Variants in SARDH observed in about 807,000 individuals in gnomAD.
SARDH encodes sarcosine dehydrogenase, also known as sarcosine dehydrogenase, mitochondrial.
SARDH carries 95 observed loss-of-function variants against 109.1 expected under a neutral mutation model. The observed-to-expected ratio is 0.87, with a 90% CI of 0.74 to 1.03. The LOEUF is 1.03. Among genes scored for constraint, SARDH ranks in the 50% least tolerant of loss-of-function variants. The probability of loss-of-function intolerance (pLI) is 0.00; values close to 1 mark genes in which losing one functional copy is unlikely to be tolerated. For synonymous variants in SARDH, 572 were observed against 534.8 expected (o/e 1.07, Z -0.96); for missense variants, 1,267 against 1,287.8 (o/e 0.98, Z 0.25).
chr9:133,723,999 A>T (rs375130307), intron 6 of SARDH, among the ~76,000 whole-genome samples: 10 of 152,346 alleles, frequency 6.6e-5, no homozygotes, highest in African/African-American at 1.9e-4. Context: ...CCTCAGAAGA[A>T]AATATTAGAA....
At chr9:133,715,777 G>A (rs983579259) in intron 8 of SARDH, among the ~76,000 whole-genome samples, 10 of 152,118 alleles carry the variant, frequency 6.6e-5, no homozygotes, top group African/African-American at 2.4e-4. Flanking sequence ...GCCCTGCACC[G>A]CCCCTGTGGC....
intron 19 of SARDH, among the ~76,000 whole-genome samples, chr9:133,668,342 T>G (rs28568403): frequency 2.0e-5 from 1 of 49,832 alleles, no homozygotes; most frequent in Non-Finnish European, 4.0e-5. Context: ...TCTCCCTCAT[T>G]CTCCCTCACC....
At position 133,666,619 on chromosome 9, in the gene SARDH, A is replaced by T; in HGVS notation, c.2631+116T>A. 7.3e-7 allele frequency: 1 copy of T among 1,363,766 alleles called. No individual in the cohort carries two copies. The highest frequency in any genetic ancestry group is 9.9e-7 in the Non-Finnish European group (1 of 1,007,572). The allele number at this position is 1,363,766 out of a possible 1,614,324, so 84.5% of individuals were successfully genotyped here. On this transcript the variant is annotated intron_variant, in intron 20 of 20. Coordinates refer to ENST00000439388, the MANE Select transcript of SARDH (RefSeq NM_001134707.2). The surrounding 1 kb of genome is among the most constrained non-coding windows in gnomAD (Gnocchi z 5.2). ...TTTCTCTTCCCTCCTCCTCTTCTGG[A>T]CCACACCCGTGCCTCCTCCCTATGC...
At position 133,671,404 on chromosome 9, in the gene SARDH, T is replaced by C. The variant is rs141625012; in HGVS notation, c.2326+131A>G. 1.8e-3 allele frequency: 2,185 copies of C among 1,191,506 alleles called. 27 individuals are homozygous for C. In the African/African-American group the frequency reaches 0.029, roughly 16 times the overall value. 73.8% of individuals were successfully genotyped at this position (1,191,506 alleles called of 1,614,324 possible). A position where few individuals can be genotyped will look rare whatever the true frequency, so the allele number is the denominator to read the frequency against. ...CGCTGGGGTGTAGGGGAGGAAATCA[T>C]GGTGTGGAAAGAAGGAAGCCGGGTG... On this transcript the variant is annotated intron_variant, in intron 18 of 20. Transcript: ENST00000439388.
chr9:133,735,152 C>A (rs1832840511), intron 1 of SARDH, among the ~76,000 whole-genome samples: 1 of 152,192 alleles, frequency 6.6e-6, no homozygotes, highest in Non-Finnish European at 1.5e-5. Flanking sequence ...GGAGCCAGCA[C>A]CTCCTCCTGG....
At chr9:133,661,359 CA>C (rs199777050), downstream of SARDH, among the ~76,000 whole-genome samples, 5 of 148,638 alleles carry the variant, frequency 3.4e-5, no homozygotes, top group Non-Finnish European at 5.9e-5. Context: ...ACAACAACAA[CA>C]AAAAAAAACA....
rs778977881 is a variant in SARDH, at chr9:133,696,176, T to C, written c.1807+47A>G. The C allele has an allele frequency of 2.5e-6, 4 of 1,607,724 alleles. No homozygotes were observed. The South Asian group carries it at 4.4e-5, about 18-fold the overall frequency. ...CAGCTCATCTCAGTGCCTGAGGCTG[T>C]GCCCATGGAGTGACAGGAACATGCC... is the stretch of plus-strand genomic sequence containing the variant. On this transcript the variant is annotated intron_variant, in intron 14 of 20. Coordinates refer to ENST00000439388, the MANE Select transcript of SARDH (RefSeq NM_001134707.2).
At chr9:133,737,512 G>A (rs1382921301) in intron 1 of SARDH, among the ~76,000 whole-genome samples, 1 of 152,214 alleles carries the variant, frequency 6.6e-6, no homozygotes, top group East Asian at 1.9e-4. Context: ...AGCTTGAGTG[G>A]CACCGAGGAA....
At chr9:133,659,909 C>G (rs1040969387), downstream of SARDH, among the ~76,000 whole-genome samples, 19 of 152,148 alleles carry the variant, frequency 1.2e-4, no homozygotes, top group Non-Finnish European at 2.8e-4. Context: ...GTCCCAGGGT[C>G]CTGCCCAAAC....
At chr9:133,676,805 G>A (rs539601679) in intron 17 of SARDH, among the ~76,000 whole-genome samples, 1 of 152,332 alleles carries the variant, frequency 6.6e-6, no homozygotes, top group Admixed American at 6.5e-5. Context: ...AGCACAGTGG[G>A]TACCAAACAG....
upstream of SARDH, among the ~76,000 whole-genome samples, chr9:133,738,659 G>A (rs1234322580): frequency 9.9e-5 from 15 of 152,202 alleles, no homozygotes; most frequent in Admixed American, 1.3e-4. Flanking sequence ...AGCTCCCCGC[G>A]CCCAGAAGGA....
chr9:133,731,994 C>T (rs1258029213), intron 3 of SARDH, among the ~76,000 whole-genome samples: 1 of 152,172 alleles, frequency 6.6e-6, no homozygotes, highest in Admixed American at 6.5e-5. Context: ...TGTCCTCAGG[C>T]GTGGACCACT....
chr9:133,662,276 G>T (rs1829910680), downstream of SARDH, among the ~76,000 whole-genome samples: 1 of 152,138 alleles, frequency 6.6e-6, no homozygotes, highest in Non-Finnish European at 1.5e-5. The surrounding 1 kb of genome is among the most constrained non-coding windows in gnomAD (Gnocchi z 5.1). Flanking sequence ...GCGGAACCCG[G>T]GCTCTGACCT....
intron 4 of SARDH, among the ~76,000 whole-genome samples, chr9:133,730,880 G>A (rs1296522897): frequency 6.6e-6 from 1 of 152,182 alleles, no homozygotes; most frequent in Non-Finnish European, 1.5e-5. Context: ...AGGAGGCTGA[G>A]GCAGGAGAAT....
At chr9:133,661,668 A>G (rs1382923927), downstream of SARDH, among the ~76,000 whole-genome samples, 1 of 151,906 alleles carries the variant, frequency 6.6e-6, no homozygotes, top group Admixed American at 6.6e-5. Context: ...TTTAGTAGAG[A>G]TGAGACTTCA....
downstream of SARDH, among the ~76,000 whole-genome samples, chr9:133,662,016 G>T (rs1273261115): frequency 6.6e-6 from 1 of 152,160 alleles, no homozygotes; most frequent in South Asian, 2.1e-4. This position sits in a 1 kb window ranked among gnomAD's most constrained non-coding sequence, Gnocchi z 5.1. Context: ...CTCTGGCAGC[G>T]CAGGGATGGA....
intron 2 of SARDH, 33 bp downstream of exon 2, chr9:133,733,810 C>A (rs1271370954): frequency 1.4e-6 from 2 of 1,441,080 alleles, no homozygotes; most frequent in Non-Finnish European, 9.1e-7. Flanking sequence ...ATGTCCTATC[C>A]TTCCCTGCCC....
At chr9:133,663,260 G>A (rs543702383), downstream of SARDH, among the ~76,000 whole-genome samples, 3 of 152,332 alleles carry the variant, frequency 2.0e-5, no homozygotes, top group East Asian at 1.9e-4. Context: ...TCCCTGCTTC[G>A]GCTCCTCTGT....
chr9:133,726,394 A>ATAATAATAATAATAATAATATAG (rs59172198), intron 6 of SARDH, among the ~76,000 whole-genome samples: 1 of 132,338 alleles, frequency 7.6e-6, no homozygotes, highest in Non-Finnish European at 1.6e-5. Flanking sequence ...AATAATAATA[A>ATAATAATAATAATAATAATATAG]TAGTAGTAGT....
Sources: allele counts gnomAD v4.1 joint callset (sites outside exome capture counted in the v4.1 genomes callset), GRCh38; gene constraint gnomAD v4.1.1; non-coding constraint Gnocchi (gnomAD v3.1); transcripts MANE v1.5; gene names NCBI Gene and HGNC (gene_info 2026-07-23, HGNC 2026-07-21).